Variants in DIAPH3 observed in about 807,000 individuals in gnomAD.
DIAPH3 encodes the protein diaphanous related formin 3.
A neutral mutation model predicts 144.3 loss-of-function variants in DIAPH3; 117 were observed. The observed-to-expected ratio is 0.81, with a 90% CI of 0.70 to 0.95. The LOEUF (loss-of-function observed/expected upper bound fraction) is 0.95. Ranked by LOEUF, DIAPH3 falls within the 40% of genes least tolerant of loss-of-function variation. The probability of loss-of-function intolerance (pLI) is 0.00; values close to 1 mark genes in which losing one functional copy is unlikely to be tolerated. For synonymous variants in DIAPH3, 519 were observed against 488.9 expected, an observed-to-expected ratio of 1.06 and a Z score of -0.81; for missense variants, 1,421 against 1,412.7, an observed-to-expected ratio of 1.01 and a Z score of -0.09.
chr13:59,869,544 G>A (rs1210414774), intron 21 of DIAPH3, among the ~76,000 whole-genome samples: 1 of 152,106 alleles, frequency 6.6e-6, no homozygotes, highest in Non-Finnish European at 1.5e-5. Flanking sequence ...CTTTTAACAA[G>A]GCCTCTAAAA....
At chr13:59,988,330 C>T (rs928359923) in intron 12 of DIAPH3, among the ~76,000 whole-genome samples, 2 of 151,972 alleles carry the variant, frequency 1.3e-5, no homozygotes, top group South Asian at 2.1e-4. Context: ...ACATCTATTA[C>T]ATTTAAAAAT....
chr13:59,750,719 A>T (rs1195427641), intron 27 of DIAPH3, among the ~76,000 whole-genome samples: 2 of 152,166 alleles, frequency 1.3e-5, no homozygotes, highest in Non-Finnish European at 2.9e-5. Context: ...AGGCCACGGT[A>T]ATGCAGTTTT....
intron 14 of DIAPH3, among the ~76,000 whole-genome samples, chr13:59,977,103 G>A (rs570972978): frequency 6.6e-6 from 1 of 151,770 alleles, no homozygotes; most frequent in African/African-American, 2.4e-5. Flanking sequence ...CCCCCTCAGA[G>A]TGGTAGGTTC....
chr13:60,068,430 T>G (rs1243954389), intron 4 of DIAPH3, among the ~76,000 whole-genome samples: 1 of 152,230 alleles, frequency 6.6e-6, no homozygotes, highest in Non-Finnish European at 1.5e-5. Flanking sequence ...ACAGATGTAC[T>G]TACTTATTTG....
At chr13:59,824,412 A>G (rs1279466696) in intron 24 of DIAPH3, among the ~76,000 whole-genome samples, 1 of 152,186 alleles carries the variant, frequency 6.6e-6, no homozygotes, top group African/African-American at 2.4e-5. Context: ...ACTCAACTCC[A>G]AGATGCTCTG....
intron 27 of DIAPH3, among the ~76,000 whole-genome samples, chr13:59,758,503 G>A (rs1311248547): frequency 1.3e-5 from 2 of 152,122 alleles, no homozygotes; most frequent in African/African-American, 4.8e-5. Context: ...ACTGGCCACG[G>A]GGCTACTGTG....
At chr13:59,695,259 C>G (rs2138711199) in intron 27 of DIAPH3, 1 of 152,182 alleles carries the variant, frequency 6.6e-6, no homozygotes, top group East Asian at 1.9e-4. Context: ...TACTTGAAGG[C>G]AAGCAGCATA....
At chr13:59,879,688 A>G (rs908832479) in intron 20 of DIAPH3, among the ~76,000 whole-genome samples, 1 of 152,194 alleles carries the variant, frequency 6.6e-6, no homozygotes, top group Non-Finnish European at 1.5e-5. Flanking sequence ...ATGCTCAATG[A>G]AAAGAAAGCT....
At chr13:59,944,681 T>G (rs2048712481) in intron 17 of DIAPH3, among the ~76,000 whole-genome samples, 1 of 152,116 alleles carries the variant, frequency 6.6e-6, no homozygotes, top group Admixed American at 6.6e-5. Context: ...TACAATGGGA[T>G]TTTTGATAGT....
At chr13:59,734,911 C>G (rs1034079690) in intron 27 of DIAPH3, among the ~76,000 whole-genome samples, 1 of 152,146 alleles carries the variant, frequency 6.6e-6, no homozygotes, top group Non-Finnish European at 1.5e-5. Context: ...AAATTTAACA[C>G]CACAGAAGAC....
At chr13:59,860,775 A>G (rs1443696964) in intron 22 of DIAPH3, among the ~76,000 whole-genome samples, 1 of 152,038 alleles carries the variant, frequency 6.6e-6, no homozygotes, top group African/African-American at 2.4e-5. Flanking sequence ...AAGAAAATTG[A>G]ATTATTAAGG....
At chr13:60,136,863 C>A (rs1283464425) in intron 1 of DIAPH3, among the ~76,000 whole-genome samples, 1 of 151,974 alleles carries the variant, frequency 6.6e-6, no homozygotes, top group East Asian at 1.9e-4. Flanking sequence ...TGGCGTGAAC[C>A]CGGGAGGCGG....
At chr13:59,805,672 C>G (rs2040150649) in intron 25 of DIAPH3, among the ~76,000 whole-genome samples, 2 of 151,770 alleles carry the variant, frequency 1.3e-5, no homozygotes, top group African/African-American at 2.4e-5. Flanking sequence ...AAGAGACCTT[C>G]AGGTTCATCA....
chr13:59,773,571 C>G (rs1231146208), intron 27 of DIAPH3, among the ~76,000 whole-genome samples: 2 of 152,108 alleles, frequency 1.3e-5, no homozygotes, highest in African/African-American at 4.8e-5. Context: ...CAAATAAAAG[C>G]CAATCAACAT....
At chr13:60,011,978 T>C (rs868557168) in intron 7 of DIAPH3, among the ~76,000 whole-genome samples, 1 of 152,114 alleles carries the variant, frequency 6.6e-6, no homozygotes. Context: ...GTACTATTTA[T>C]CTAGCATGCA....
chr13:59,735,765 TG>T (rs1298455916), intron 27 of DIAPH3, among the ~76,000 whole-genome samples: 6 of 152,168 alleles, frequency 3.9e-5, no homozygotes, highest in African/African-American at 1.2e-4. Context: ...TTCTTTTTTT[TG>T]TTGTTATTGT....
At chr13:59,925,077 A>T (rs1227198010) in intron 17 of DIAPH3, among the ~76,000 whole-genome samples, 1 of 152,170 alleles carries the variant, frequency 6.6e-6, no homozygotes, top group African/African-American at 2.4e-5. Context: ...AAACTATGGA[A>T]AGTAAATATT....
chr13:59,891,731 T>C (rs1420045288), intron 20 of DIAPH3, among the ~76,000 whole-genome samples: 1 of 151,986 alleles, frequency 6.6e-6, no homozygotes, highest in Non-Finnish European at 1.5e-5. Flanking sequence ...TTAAGTACAG[T>C]AGGTACCTAT....
At chr13:60,079,384 T>A (rs1252793203) in intron 4 of DIAPH3, among the ~76,000 whole-genome samples, 1 of 152,046 alleles carries the variant, frequency 6.6e-6, no homozygotes. Flanking sequence ...CCCCTGTTTA[T>A]GAACTGTTCT....
Sources: allele counts gnomAD v4.1 joint callset (sites outside exome capture counted in the v4.1 genomes callset), GRCh38; gene constraint gnomAD v4.1.1; transcripts MANE v1.5; gene names NCBI Gene and HGNC (gene_info 2026-07-23, HGNC 2026-07-21).